The following VWA7 variants were observed in gnomAD, a reference collection of about 807,000 sequenced individuals.
The protein encoded by VWA7 is von Willebrand factor A domain-containing protein 7.
A neutral mutation model predicts 83.1 loss-of-function variants in VWA7; 66 were observed. The observed-to-expected ratio is 0.79, with a 90% CI of 0.65 to 0.98. The LOEUF (loss-of-function observed/expected upper bound fraction) is 0.98. Ranked by LOEUF, VWA7 falls within the 50% of genes least tolerant of loss-of-function variation. The pLI, the probability that VWA7 is intolerant of heterozygous loss-of-function variation, is 0.00. For missense variants in VWA7, 1,080 were observed against 1,160.2 expected (o/e 0.93, Z 1.00); for synonymous variants, 424 against 488.5 (o/e 0.87, Z 1.74).
Position 31,769,199 on chromosome 6 carries a change from G to GGTAC in VWA7, c.1321_1322insGTAC (p.Thr441SerfsTer7), listed in dbSNP as rs774248331. Reference sequence around the variant, plus strand: ...TGATGTATCTTCAGTCACCAGGAATGTTACCTGTACCCAGAAGAGAGCTCA... The same window carrying GGTAC: ...TGATGTATCTTCAGTCACCAGGAATGGTACTTACCTGTACCCAGAAGAGAGCTCA... On this transcript the variant is annotated frameshift_variant, in exon 10 of 17. Coordinates refer to ENST00000375688, the MANE Select transcript of VWA7 (RefSeq NM_025258.3). LOFTEE classifies it high-confidence loss of function. The surrounding 1 kb of genome is among the most constrained non-coding windows in gnomAD (Gnocchi z 4.5). 1.4e-3 allele frequency: 2,302 copies of GGTAC among 1,612,520 alleles called. 10 individuals carry two copies. The highest frequency in any genetic ancestry group is 9.2e-3 in the Middle Eastern group (56 of 6,060).
At position 31,765,932 on chromosome 6, in the gene VWA7, G is replaced by A. The variant is rs759300576; in HGVS notation, c.2450C>T (p.Pro817Leu). The change falls in exon 16 of 17, where the codon CCC (proline) becomes CTC (leucine). Residue 817 changes from proline to leucine, a missense_variant. By Grantham distance (98) the Pro-to-Leu change is moderately conservative. Transcript: ENST00000375688. Reference sequence around the variant, plus strand: ...GAGCCGGAGGAAAGCATGAGTCGGGGGTACTGGGTTGGCTTCTCGTCCCCC... The same window carrying A: ...GAGCCGGAGGAAAGCATGAGTCGGGAGTACTGGGTTGGCTTCTCGTCCCCC... ...TAGGREANPV[P>L]PTHAFLRLLV... 12 of 1,613,002 alleles carry A rather than the reference G, an allele frequency of 7.4e-6. No individual in the cohort carries two copies. In the East Asian group the frequency reaches 2.2e-4, roughly 30 times the overall value.
rs1327726508 is a variant in VWA7 at position 31,766,426 on chromosome 6, T to C, written c.2184+37A>G. On this transcript the variant is annotated intron_variant, in intron 14 of 16. Transcript: ENST00000375688. This position sits in a 1 kb window ranked among gnomAD's most constrained non-coding sequence, Gnocchi z 4.9. ...TTCAGGGAAGGGGCCGCTCTAACTC[T>C]CTCCAGCCCCAGCCGCACTTTCCCC... 6.3e-7 allele frequency: 1 copy of C among 1,575,304 alleles called. No homozygotes were observed. Among genetic ancestry groups the C allele is most frequent in the African/African-American group, 1.3e-5 (1 of 74,278 alleles).
At position 31,765,766 on chromosome 6, in the gene VWA7, C is replaced by A. The variant is rs375942272; in HGVS notation, c.2504G>T (p.Arg835Leu). Residue 835 changes from arginine (R) to leucine (L), a missense_variant, in exon 17 of 17, where the codon CGG (arginine) becomes CTG (leucine). Physicochemically the swap from Arg to Leu is moderately radical, Grantham distance 102 (BLOSUM62 -2). Transcript: ENST00000375688. Reference sequence around the variant, plus strand: ...AGATGAGCCGGTAGGGGTGGTGTGCCGGTCCTGTGGGGAAAAGGAAGAGAA... The same window carrying A: ...AGATGAGCCGGTAGGGGTGGTGTGCAGGTCCTGTGGGGAAAAGGAAGAGAA... Reference protein sequence around the residue: ...LLVSAPAPQDRHTTPTGSSDP... With the variant: ...LLVSAPAPQDLHTTPTGSSDP... 2 of 1,585,368 alleles carry A rather than the reference C, an allele frequency of 1.3e-6. No individual in the cohort carries two copies. The highest frequency in any genetic ancestry group is 1.7e-6 in the Non-Finnish European group (2 of 1,164,628).
chr6:31,767,247 T>C lies in VWA7; in HGVS notation c.1793A>G (p.Gln598Arg), dbSNP rs1290157065. 2.5e-6 allele frequency: 4 copies of C among 1,611,008 alleles called. No individual in the cohort carries two copies. Among genetic ancestry groups the C allele is most frequent in the Non-Finnish European group, 3.4e-6 (4 of 1,178,820 alleles). Residue 598 changes from glutamine to arginine, a missense_variant, in exon 13 of 17, where the codon CAG becomes CGG. Physicochemically the swap from Gln to Arg is conservative, Grantham distance 43 (BLOSUM62 1). Coordinates refer to ENST00000375688, the MANE Select transcript of VWA7 (RefSeq NM_025258.3). Reference sequence around the variant, plus strand: ...GTGGAAGAGGAAGTCCAGGGAGGTCTGGGCTGGGAAAGGGCAAAGGCAGTC... The same window carrying C: ...GTGGAAGAGGAAGTCCAGGGAGGTCCGGGCTGGGAAAGGGCAAAGGCAGTC... ...EDTPGVRVQA[Q>R]TSLDFLFHFG... is the part of the protein sequence containing the mutation.
Position 31,766,710 on chromosome 6 carries a change from G to A in VWA7, c.1937C>T (p.Pro646Leu). Residue 646 changes from proline to leucine, a missense_variant, in exon 14 of 17, where the codon CCT (proline) becomes CTT (leucine). Coordinates refer to ENST00000375688, the MANE Select transcript of VWA7 (RefSeq NM_025258.3). The surrounding 1 kb of genome is among the most constrained non-coding windows in gnomAD (Gnocchi z 4.9). ...EVTGLGSRANPGDPQPHFSHV... is the reference protein window; with the variant it reads ...EVTGLGSRANLGDPQPHFSHV... ...GGAGAAATGCGGCTGAGGATCCCCA[G>A]GATTGGCTCTGGAACCCAACCCTGT... 2 of 1,612,350 alleles carry A rather than the reference G, an allele frequency of 1.2e-6. No homozygotes were observed. Among genetic ancestry groups the A allele is most frequent in the Non-Finnish European group, 1.7e-6 (2 of 1,179,468 alleles).
At chr6:31,767,048 T>C in intron 13 of VWA7, 110 bp downstream of exon 13, 2 of 411,210 alleles carry the variant, frequency 4.9e-6, no homozygotes, top group East Asian at 3.8e-5. Flanking sequence ...CACAGATGTA[T>C]GTATACATAT....
chr6:31,771,061 TAAGAA>T (rs1206068546), intron 7 of VWA7, among the ~76,000 whole-genome samples: 2 of 146,440 alleles, frequency 1.4e-5, no homozygotes, highest in African/African-American at 5.1e-5. Context: ...GGTTTCCTCA[TAAGAA>T]AAGAGACCGA....
rs28399999 is a variant in VWA7, at chr6:31,766,081, C to A, written c.2325-24G>T. On this transcript the variant is annotated intron_variant, in intron 15 of 16. Coordinates refer to ENST00000375688, the MANE Select transcript of VWA7 (RefSeq NM_025258.3). The surrounding 1 kb of genome is among the most constrained non-coding windows in gnomAD (Gnocchi z 4.9). ...CCCTGGAGAGAGGATATAGGCGTCG[C>A]TAAAGCTCCAGGCTGCCCAGAGCCT... is the stretch of plus-strand genomic sequence containing the variant. 36,327 of 1,612,116 alleles carry A rather than the reference C, an allele frequency of 0.023. 1,012 individuals are homozygous for A. Among genetic ancestry groups the A allele is most frequent in the African/African-American group, 0.11 (8,355 of 75,008 alleles).
In VWA7 at chr6:31,769,834, AG is replaced by A. The variant is rs767647435; in HGVS notation, c.1201-44del. Reference sequence around the variant, plus strand: ...GACCAGTGTTAACAATGGCAGTAGGAGGGGAATGGGTAGAGCCACGGAGGAT... The same window carrying A: ...GACCAGTGTTAACAATGGCAGTAGGAGGGAATGGGTAGAGCCACGGAGGAT... On this transcript the variant is annotated intron_variant, in intron 8 of 16. Transcript: ENST00000375688. The surrounding 1 kb of genome is among the most constrained non-coding windows in gnomAD (Gnocchi z 4.5). 1 of 1,582,588 alleles carries A rather than the reference AG, an allele frequency of 6.3e-7. No individual in the cohort carries two copies. The highest frequency in any genetic ancestry group is 1.1e-5 in the South Asian group (1 of 90,406).
chr6:31,777,018 C>G lies in VWA7; in HGVS notation c.-16+91G>C, dbSNP rs1239045006. The stretch of plus-strand genomic sequence containing the variant: ...GGGTCCAAGGTTCCTCCCCCACGCC[C>G]CCCTCCCCAGTCCCTGGCTGCGTCC... On this transcript the variant is annotated intron_variant, in intron 1 of 16. Transcript: ENST00000375688. This position sits in a 1 kb window ranked among gnomAD's most constrained non-coding sequence, Gnocchi z 5.8. 7.2e-6 allele frequency: 3 copies of G among 419,076 alleles called. No individual in the cohort carries two copies. Among genetic ancestry groups the G allele is most frequent in the Non-Finnish European group, 1.3e-5 (3 of 237,592 alleles). The allele number at this position is 419,076 out of a possible 1,614,324, so 26.0% of individuals were successfully genotyped here.
Position 31,776,327 on chromosome 6 carries a change from G to A in VWA7, c.235-85C>T. 1 of 1,533,380 alleles carries A rather than the reference G, an allele frequency of 6.5e-7. No homozygotes were observed. The highest frequency in any genetic ancestry group is 8.8e-7 in the Non-Finnish European group (1 of 1,136,232). The allele number at this position is 1,533,380 out of a possible 1,614,324, so 95.0% of individuals were successfully genotyped here. On this transcript the variant is annotated intron_variant, in intron 2 of 16. Transcript: ENST00000375688. This position sits in a 1 kb window ranked among gnomAD's most constrained non-coding sequence, Gnocchi z 6.2. ...CCTTATCTCAGCAACTGACACTCAA[G>A]GCTGGGTATGAGGGTCCTGAGCCCC...
rs187073840 is a variant in VWA7 at position 31,775,057 on chromosome 6, G to T, written c.610+276C>A. On this transcript the variant is annotated intron_variant, in intron 4 of 16. Transcript: ENST00000375688. This position sits in a 1 kb window ranked among gnomAD's most constrained non-coding sequence, Gnocchi z 5.9. ...GGCAGCTTCCAGGTGAGAGGGTGAG[G>T]GGGCTGTGAGAGAAGGCCCCATGGG... is the stretch of plus-strand genomic sequence containing the variant. Among the ~76,000 whole-genome samples the T allele has an allele frequency of 6.6e-6, 1 of 152,158 alleles. No individual in the cohort carries two copies. Among genetic ancestry groups the T allele is most frequent in the African/African-American group, 2.4e-5 (1 of 41,438 alleles).
In VWA7 at chr6:31,765,965, A is replaced by G; in HGVS notation, c.2417T>C (p.Val806Ala). 2 of 1,613,062 alleles carry G rather than the reference A, an allele frequency of 1.2e-6. No individual in the cohort carries two copies. The highest frequency in any genetic ancestry group is 1.7e-6 in the Non-Finnish European group (2 of 1,180,026). ...GTTGGCTTCTCGTCCCCCTGCAGTC[A>G]CAGTCACCATCACCACGGAATCCGG... is the stretch of plus-strand genomic sequence containing the variant. ...AAPDSVVMVTVTAGGREANPV... is the reference protein window; with the variant it reads ...AAPDSVVMVTATAGGREANPV... The change falls in exon 16 of 17, where the codon GTG (valine) becomes GCG (alanine). Residue 806 changes from valine (V) to alanine (A), a missense_variant. Transcript: ENST00000375688.
Position 31,766,577 on chromosome 6 carries a change from C to G in VWA7, c.2070G>C (p.Thr690=), listed in dbSNP as rs980962009. 6.2e-7 allele frequency: 1 copy of G among 1,612,820 alleles called. No homozygotes were observed. The highest frequency in any genetic ancestry group is 8.5e-7 in the Non-Finnish European group (1 of 1,180,028). The change falls in exon 14 of 17, where the codon ACG becomes ACC. Residue 690 remains threonine (T), a synonymous_variant. Coordinates refer to ENST00000375688, the MANE Select transcript of VWA7 (RefSeq NM_025258.3). This position sits in a 1 kb window ranked among gnomAD's most constrained non-coding sequence, Gnocchi z 4.9. ...AGAAGGGTCTAGGGGTGGACAGCAG[C>G]GTGGGCGACAGCGAGGCTGCGAGGA... is the stretch of plus-strand genomic sequence containing the variant. ...RGLLAASLSP[T]LLSTPRPFSL...
At chr6:31,774,170 A>AC (rs1323759398) in intron 5 of VWA7, among the ~76,000 whole-genome samples, 1 of 150,700 alleles carries the variant, frequency 6.6e-6, no homozygotes, top group African/African-American at 2.4e-5. Context: ...AAAAAAAAAA[A>AC]AAAAAGGATA....
Position 31,765,649 on chromosome 6 carries a change from G to A in VWA7, c.2621C>T (p.Pro874Leu), listed in dbSNP as rs994332604. 1.2e-6 allele frequency: 2 copies of A among 1,609,160 alleles called. No individual in the cohort carries two copies. The highest frequency in any genetic ancestry group is 1.7e-6 in the Non-Finnish European group (2 of 1,178,548). Residue 874 changes from proline (P) to leucine (L), a missense_variant, in exon 17 of 17, where the codon CCC becomes CTC. Coordinates refer to ENST00000375688, the MANE Select transcript of VWA7 (RefSeq NM_025258.3). ...RAGAGLAAGS[P>L]WWGTVGGVLL... ...CACCCCTCCAACTGTGCCCCACCAG[G>A]GGCTGCCCGCAGCCAGCCCTGCCCC...
Position 31,767,206 on chromosome 6 carries a change from C to T in VWA7, c.1834G>A (p.Glu612Lys). The stretch of plus-strand genomic sequence containing the variant: ...TAGAGGCCAGGGTGGGGTCCATCCT[C>T]CATGGGGATCCCAAAGTGGAAGAGG... ...DFLFHFGIPM[E>K]DGPHPGLYPL... The change falls in exon 13 of 17, where the codon GAG (glutamate) becomes AAG (lysine). Residue 612 changes from glutamate (E) to lysine (K), a missense_variant. Transcript: ENST00000375688. 2 of 1,604,528 alleles carry T rather than the reference C, an allele frequency of 1.2e-6. No individual in the cohort carries two copies. Among genetic ancestry groups the T allele is most frequent in the Admixed American group, 1.7e-5 (1 of 57,568 alleles).
At position 31,776,590 on chromosome 6, in the gene VWA7, G is replaced by C; in HGVS notation, c.190C>G (p.Gln64Glu). 1 of 1,549,194 alleles carries C rather than the reference G, an allele frequency of 6.5e-7. No homozygotes were observed. Among genetic ancestry groups the C allele is most frequent in the South Asian group, 1.2e-5 (1 of 83,860 alleles). The change falls in exon 2 of 17, where the codon CAG (glutamine) becomes GAG (glutamate). Residue 64 changes from glutamine to glutamate, a missense_variant. Coordinates refer to ENST00000375688, the MANE Select transcript of VWA7 (RefSeq NM_025258.3). This position sits in a 1 kb window ranked among gnomAD's most constrained non-coding sequence, Gnocchi z 6.2. Reference sequence around the variant, plus strand: ...AGAGGGGGGCGGCCTGGGGGTGGCTGCTCCAGGAAGAGCTGCAGGGTGACG... The same window carrying C: ...AGAGGGGGGCGGCCTGGGGGTGGCTCCTCCAGGAAGAGCTGCAGGGTGACG... ...LNVTLQLFLE[Q>E]PPPGRPPLRL... is the part of the protein sequence containing the mutation.
Position 31,768,971 on chromosome 6 carries a change from C to A in VWA7, c.1503+47G>T, listed in dbSNP as rs1053804527. The A allele has an allele frequency of 2.6e-6, 4 of 1,554,406 alleles. No homozygotes were observed. The East Asian group carries it at 7.0e-5, about 27-fold the overall frequency. On this transcript the variant is annotated intron_variant, in intron 10 of 16. Transcript: ENST00000375688. The stretch of plus-strand genomic sequence containing the variant: ...TTCTCCTATAAGAAGAGAGGTGCAG[C>A]CTGACCACCCTTCAGTTCCTAAGTG...
Sources: allele counts gnomAD v4.1 joint callset (sites outside exome capture counted in the v4.1 genomes callset), GRCh38; gene constraint gnomAD v4.1.1; non-coding constraint Gnocchi (gnomAD v3.1); transcripts MANE v1.5; gene names NCBI Gene and HGNC (gene_info 2026-07-23, HGNC 2026-07-21).